Variants in TLK1 observed in about 807,000 individuals in gnomAD.
The protein encoded by TLK1 is tousled like kinase 1.
A neutral mutation model predicts 105.3 loss-of-function variants in TLK1; 24 were observed. The observed-to-expected ratio is 0.23, with a 90% confidence interval of 0.17 to 0.32. TLK1 has a LOEUF of 0.32. Ranked by LOEUF, TLK1 falls within the 10% of genes least tolerant of loss-of-function variation. TLK1 has a pLI of 1.00. For missense variants in TLK1, 558 were observed against 910.5 expected, an observed-to-expected ratio of 0.61 and a Z score of 4.98; for synonymous variants, 321 against 310.4, an observed-to-expected ratio of 1.03 and a Z score of -0.36.
chr2:171,105,731 A>G (rs1689895433), intron 2 of TLK1, among the ~76,000 whole-genome samples: 1 of 152,188 alleles, frequency 6.6e-6, no homozygotes, highest in South Asian at 2.1e-4. Context: ...AAGGATGCAG[A>G]GAAAGGGAAA....
rs200281649 is a variant in TLK1 at position 170,991,026 on chromosome 2, GTCTT to G, written c.*2750_*2753del. 1.7e-3 allele frequency: 265 copies of G among 151,868 alleles called. 2 individuals carry two copies. The highest frequency in any genetic ancestry group is 6.2e-3 in the African/African-American group (256 of 41,416). 9.4% of individuals were successfully genotyped at this position (151,868 alleles called of 1,614,324 possible). A position where few individuals can be genotyped will look rare whatever the true frequency, so the allele number is the denominator to read the frequency against. ...TGTTTAAAAAAAAAAAAAAGATTGA[GTCTT>G]TATTTTTGAAAAACCACCAAGTATC... On this transcript the variant is annotated 3_prime_UTR_variant, in exon 21 of 21. Transcript: ENST00000431350.
At chr2:171,100,686 G>T (rs1214068429) in intron 2 of TLK1, among the ~76,000 whole-genome samples, 1 of 152,128 alleles carries the variant, frequency 6.6e-6, no homozygotes, top group African/African-American at 2.4e-5. Context: ...GTGTTGACAG[G>T]GATGTGGAGA....
At chr2:171,004,686 T>C (rs1575504493) in intron 18 of TLK1, among the ~76,000 whole-genome samples, 1 of 152,288 alleles carries the variant, frequency 6.6e-6, no homozygotes, top group African/African-American at 2.4e-5. Context: ...GTTTAGAACA[T>C]GGTTTTCAAG....
intron 1 of TLK1, among the ~76,000 whole-genome samples, chr2:171,127,086 G>A (rs1361333770): frequency 6.6e-6 from 1 of 151,888 alleles, no homozygotes; most frequent in African/African-American, 2.4e-5. Context: ...GACCAGCCTG[G>A]TAAACATGGT....
chr2:171,112,858 G>A (rs1439884431), intron 2 of TLK1, among the ~76,000 whole-genome samples: 1 of 152,096 alleles, frequency 6.6e-6, no homozygotes, highest in Non-Finnish European at 1.5e-5. Flanking sequence ...AGAAGTCCAT[G>A]GGGAGAACTG....
intron 1 of TLK1, among the ~76,000 whole-genome samples, chr2:171,197,537 G>A (rs1693297811): frequency 6.6e-6 from 1 of 152,186 alleles, no homozygotes; most frequent in Non-Finnish European, 1.5e-5. Flanking sequence ...CCAGCACTAT[G>A]AGAGGCGGAG....
chr2:171,215,891 G>A (rs1004069350), intron 1 of TLK1, among the ~76,000 whole-genome samples: 1 of 152,016 alleles, frequency 6.6e-6, no homozygotes, highest in Middle Eastern at 3.2e-3. Flanking sequence ...CTTTCTAGTG[G>A]GAATTGATTA....
intron 11 of TLK1, chr2:171,045,856 G>A (rs1686938294): frequency 9.0e-6 from 2 of 223,080 alleles, no homozygotes; most frequent in Admixed American, 1.1e-4. Context: ...ACAAAGGAAT[G>A]TGAATGGAAA....
intron 1 of TLK1, among the ~76,000 whole-genome samples, chr2:171,137,794 A>G (rs1691390858): frequency 6.6e-6 from 1 of 151,956 alleles, no homozygotes; most frequent in Admixed American, 6.6e-5. Context: ...GGTTGCAGTG[A>G]GCTGAGATCG....
At chr2:171,072,202 A>G (rs1401760177) in intron 3 of TLK1, among the ~76,000 whole-genome samples, 1 of 152,194 alleles carries the variant, frequency 6.6e-6, no homozygotes, top group Non-Finnish European at 1.5e-5. Context: ...GGACATTTTA[A>G]AAGTATTGAT....
intron 3 of TLK1, among the ~76,000 whole-genome samples, chr2:171,072,189 A>C (rs1688291012): frequency 1.3e-5 from 2 of 152,218 alleles, no homozygotes; most frequent in South Asian, 4.1e-4. Context: ...CTCTGGGTAC[A>C]ATGGACATTT....
intron 19 of TLK1, 70 bp from the exon 20 acceptor site, chr2:170,996,830 T>G (rs900830181): frequency 7.4e-7 from 1 of 1,352,600 alleles, no homozygotes; most frequent in Admixed American, 2.4e-5. Flanking sequence ...CATTTCTGTT[T>G]AAGCGAATTC....
intron 8 of TLK1, among the ~76,000 whole-genome samples, chr2:171,052,310 A>G (rs996196314): frequency 6.6e-6 from 1 of 152,182 alleles, no homozygotes; most frequent in African/African-American, 2.4e-5. Context: ...AATAACTGGT[A>G]TTATACAGTA....
intron 10 of TLK1, 147 bp from the exon 11 acceptor site, chr2:171,046,509 A>C: frequency 1.2e-6 from 1 of 841,262 alleles, no homozygotes; most frequent in Non-Finnish European, 1.7e-6. Flanking sequence ...ATTTGTACTT[A>C]TCCTTCAGGT....
intron 18 of TLK1, 123 bp downstream of exon 18, chr2:171,006,024 A>G (rs1241646057): frequency 7.0e-6 from 7 of 994,642 alleles, no homozygotes; most frequent in Middle Eastern, 2.8e-4. Flanking sequence ...TGAGAGCTTA[A>G]TATCAGTACC....
chr2:171,101,346 C>CAAAAAAAAAAAAAAAAAAAAAA lies in TLK1; in HGVS notation c.258+16392_258+16393insTTTTTTTTTTTTTTTTTTTTTT, dbSNP rs71401403. 1.7e-4 allele frequency among the ~76,000 whole-genome samples: 11 copies of CAAAAAAAAAAAAAAAAAAAAAA among 63,490 alleles called. 1 individual carries two copies. Among genetic ancestry groups the CAAAAAAAAAAAAAAAAAAAAAA allele is most frequent in the African/African-American group, 7.9e-4 (11 of 13,840 alleles). 41.7% of individuals were successfully genotyped at this position (63,490 alleles called of 152,430 possible). On this transcript the variant is annotated intron_variant, in intron 2 of 20. Transcript: ENST00000431350. ...GGACAACAAGAGTGAAACTCCGTCT[C>CAAAAAAAAAAAAAAAAAAAAAA]AAAAAAAAAAAAAAAAAAAGCCAGG...
At chr2:171,082,157 G>A (rs756436140) in intron 3 of TLK1, among the ~76,000 whole-genome samples, 31 of 151,882 alleles carry the variant, frequency 2.0e-4, no homozygotes, top group Admixed American at 6.6e-4. Flanking sequence ...GGAACTTCCT[G>A]TCTACCCATT....
intron 1 of TLK1, among the ~76,000 whole-genome samples, chr2:171,215,123 T>C (rs1211054199): frequency 6.6e-6 from 1 of 152,128 alleles, no homozygotes; most frequent in African/African-American, 2.4e-5. Flanking sequence ...GTAGTTTTTG[T>C]AGAGGCGGGC....
chr2:171,120,251 A>G (rs1690600294), intron 1 of TLK1, among the ~76,000 whole-genome samples: 1 of 146,058 alleles, frequency 6.8e-6, no homozygotes, highest in Admixed American at 6.7e-5. Context: ...TCCGTCAGAA[A>G]AAAAAAAAAA....
Sources: gnomAD v4.1 joint callset for allele counts (sites outside exome capture counted in the v4.1 genomes callset) on GRCh38, gnomAD v4.1.1 for gene constraint, MANE v1.5 for transcripts, NCBI Gene and HGNC (gene_info 2026-07-23, HGNC 2026-07-21) for gene names.